Variants in PTAFR observed in about 807,000 individuals in gnomAD.
PTAFR encodes the protein platelet activating factor receptor, also known as platelet-activating factor receptor.
A neutral mutation model predicts 14.7 loss-of-function variants in PTAFR; 8 were observed. The ratio of observed to expected loss-of-function variants is 0.54; its 90% CI spans 0.32 to 0.98. The LOEUF (loss-of-function observed/expected upper bound fraction) is 0.98. Ranked by LOEUF, PTAFR falls within the 50% of genes least tolerant of loss-of-function variation. PTAFR has a pLI of 0.04. For synonymous variants in PTAFR, 156 were observed against 176.5 expected, an observed-to-expected ratio of 0.88 and a Z score of 0.92; for missense variants, 337 against 451.2, an observed-to-expected ratio of 0.75 and a Z score of 2.29.
At chr1:28,167,633 ATTTTTTTTTTT>A (rs780344665) in intron 1 of PTAFR, among the ~76,000 whole-genome samples, 21 of 80,252 alleles carry the variant, frequency 2.6e-4, no homozygotes, top group African/African-American at 5.5e-4. Flanking sequence ...TGAAAACGGG[ATTTTTTTTTTT>A]TTTTTTTTTT....
At chr1:28,173,998 C>T (rs921849465) in intron 1 of PTAFR, among the ~76,000 whole-genome samples, 3 of 152,142 alleles carry the variant, frequency 2.0e-5, no homozygotes, top group African/African-American at 7.2e-5. Flanking sequence ...CCCGGATATG[C>T]TCCCGGCCCA....
chr1:28,177,046 T>G, upstream of PTAFR: 1 of 149,936 alleles, frequency 6.7e-6, no homozygotes, highest in East Asian at 2.0e-4. Context: ...GGCGGAGGAA[T>G]GGATGGAGGG....
chr1:28,154,811 C>CAAA (rs35917959), intron 1 of PTAFR, among the ~76,000 whole-genome samples: 22 of 37,206 alleles, frequency 5.9e-4, no homozygotes, highest in East Asian at 1.2e-3. Context: ...GACTCTGTCT[C>CAAA]AAAAAAAAAA....
chr1:28,181,568 AC>A (rs1366778739), upstream of PTAFR, among the ~76,000 whole-genome samples: 1 of 151,758 alleles, frequency 6.6e-6, no homozygotes, highest in African/African-American at 2.4e-5. Flanking sequence ...ACATGGAGAA[AC>A]CCCGTCTCTA....
upstream of PTAFR, among the ~76,000 whole-genome samples, chr1:28,179,212 C>G (rs1242602278): frequency 6.6e-6 from 1 of 152,144 alleles, no homozygotes; most frequent in Non-Finnish European, 1.5e-5. Context: ...CCTCCTCCAG[C>G]CACCACCCTC....
At chr1:28,188,382 GT>G (rs1173366467) in intron 1 of PTAFR, among the ~76,000 whole-genome samples, 8 of 152,170 alleles carry the variant, frequency 5.3e-5, no homozygotes, top group Non-Finnish European at 1.0e-4. Context: ...AGAGGCAGAG[GT>G]TGCACTGAGC....
intron 1 of PTAFR, among the ~76,000 whole-genome samples, chr1:28,190,865 T>C (rs1646646590): frequency 6.6e-6 from 1 of 151,692 alleles, no homozygotes; most frequent in Non-Finnish European, 1.5e-5. Flanking sequence ...ACTTAGGGAG[T>C]TTCAATCTCA....
At position 28,150,515 on chromosome 1, in the gene PTAFR, G is replaced by T; in HGVS notation, c.507C>A (p.Asn169Lys). 2 of 1,614,218 alleles carry T rather than the reference G, an allele frequency of 1.2e-6. No homozygotes were observed. The highest frequency in any genetic ancestry group is 2.2e-5 in the South Asian group (2 of 91,092). ...NTVPDSAGSG[N>K]VTRCFEHYEK... ...CGTAATGCTCAAAGCAGCGAGTGAC[G>T]TTGCCTGAGCCAGCACTGTCGGGCA... The change falls in exon 2 of 2, where the codon AAC (asparagine) becomes AAA (lysine). Residue 169 changes from asparagine to lysine, a missense_variant. By Grantham distance (94) the Asn-to-Lys change is moderately conservative. Coordinates refer to ENST00000373857, the MANE Select transcript of PTAFR (RefSeq NM_000952.5). This position sits in a 1 kb window ranked among gnomAD's most constrained non-coding sequence, Gnocchi z 6.3.
At chr1:28,186,309 A>T (rs1646605922) in intron 1 of PTAFR, among the ~76,000 whole-genome samples, 1 of 151,950 alleles carries the variant, frequency 6.6e-6, no homozygotes, top group Non-Finnish European at 1.5e-5. Flanking sequence ...ATCTTCATGA[A>T]GGAAATTACA....
In PTAFR at chr1:28,150,065, C is replaced by T. The variant is rs770600001; in HGVS notation, c.957G>A (p.Arg319=). 2 of 1,613,994 alleles carry T rather than the reference C, an allele frequency of 1.2e-6. No individual in the cohort carries two copies. The highest frequency in any genetic ancestry group is 2.7e-5 in the African/African-American group (2 of 74,902). ...CTTCAGTGACCGTATCCGTGGTGGC[C>T]CGGGAGCATTTCCGGCTACTGCGCA... is the stretch of plus-strand genomic sequence containing the variant. ...YSMRSSRKCS[R]ATTDTVTEVV... The change falls in exon 2 of 2, where the codon CGG becomes CGA. Residue 319 remains arginine, a synonymous_variant. Coordinates refer to ENST00000373857, the MANE Select transcript of PTAFR (RefSeq NM_000952.5). The surrounding 1 kb of genome is among the most constrained non-coding windows in gnomAD (Gnocchi z 6.3).
At chr1:28,175,315 G>A (rs1032858606) in intron 1 of PTAFR, among the ~76,000 whole-genome samples, 4 of 152,014 alleles carry the variant, frequency 2.6e-5, no homozygotes, top group Non-Finnish European at 5.9e-5. Flanking sequence ...TCGAAACCCC[G>A]GATGCCCACC....
At chr1:28,189,756 C>T (rs1306887241) in intron 1 of PTAFR, among the ~76,000 whole-genome samples, 2 of 151,556 alleles carry the variant, frequency 1.3e-5, no homozygotes, top group African/African-American at 4.9e-5. Context: ...ACCTCCACCT[C>T]CTGGGCTCAA....
chr1:28,188,157 C>T (rs1041018396), intron 1 of PTAFR, among the ~76,000 whole-genome samples: 2 of 150,852 alleles, frequency 1.3e-5, no homozygotes, highest in Non-Finnish European at 3.0e-5. Flanking sequence ...ACTGAAAATA[C>T]AAAAATGGCT....
upstream of PTAFR, among the ~76,000 whole-genome samples, chr1:28,179,323 G>A (rs1207367754): frequency 6.6e-6 from 1 of 152,182 alleles, no homozygotes; most frequent in Non-Finnish European, 1.5e-5. Flanking sequence ...CTGTTGGCTC[G>A]GCCTGCCTTC....
intron 1 of PTAFR, among the ~76,000 whole-genome samples, chr1:28,166,708 G>C (rs1485558161): frequency 6.6e-6 from 1 of 151,974 alleles, no homozygotes; most frequent in African/African-American, 2.4e-5. Context: ...CAGATACAGT[G>C]GCTCATGCCT....
chr1:28,176,132 T>C (rs920961634), intron 1 of PTAFR, among the ~76,000 whole-genome samples: 2 of 151,774 alleles, frequency 1.3e-5, no homozygotes, highest in Admixed American at 1.3e-4. Flanking sequence ...CTGAGAAAGG[T>C]GCCAGAAAAA....
At position 28,156,511 on chromosome 1, in the gene PTAFR, T is replaced by C. The variant is rs200538119; in HGVS notation, c.-38-5452A>G. On this transcript the variant is annotated intron_variant, in intron 1 of 1. Coordinates refer to ENST00000373857, the MANE Select transcript of PTAFR (RefSeq NM_000952.5). ...GTTTATGTTTTAGAAAATCTAGCTATTTTTACAAAAATGTGTTATTTATGT... is the reference window on the plus strand; with the variant it reads ...GTTTATGTTTTAGAAAATCTAGCTACTTTTACAAAAATGTGTTATTTATGT... Among the ~76,000 whole-genome samples, 3 of 152,352 alleles carry C rather than the reference T, an allele frequency of 2.0e-5. No individual in the cohort carries two copies. The East Asian group carries it at 5.8e-4, about 29-fold the overall frequency.
At chr1:28,178,764 G>A (rs12073198), upstream of PTAFR, among the ~76,000 whole-genome samples, 1,879 of 151,970 alleles carry the variant, frequency 0.012, 35 homozygotes, top group African/African-American at 0.042. Flanking sequence ...GCACACTCAC[G>A]CCCAGTCTCC....
At chr1:28,162,039 T>G (rs1050989438) in intron 1 of PTAFR, among the ~76,000 whole-genome samples, 1 of 151,048 alleles carries the variant, frequency 6.6e-6, no homozygotes, top group African/African-American at 2.4e-5. Flanking sequence ...ATGGGAAGAG[T>G]GGGATGTGAT....
Sources: gnomAD v4.1 joint callset for allele counts (sites outside exome capture counted in the v4.1 genomes callset) on GRCh38, gnomAD v4.1.1 for gene constraint, Gnocchi (gnomAD v3.1) non-coding constraint, MANE v1.5 for transcripts, NCBI Gene and HGNC (gene_info 2026-07-23, HGNC 2026-07-21) for gene names.